The following LRRK2 variants were observed in gnomAD, a reference collection of about 807,000 sequenced individuals.
LRRK2 encodes leucine rich repeat kinase 2.
Under a neutral mutation model 302.6 loss-of-function variants are expected in LRRK2, and 203 were observed. The ratio of observed to expected loss-of-function variants is 0.67; its 90% CI spans 0.60 to 0.75. LRRK2 has a LOEUF of 0.75. Ranked by LOEUF, LRRK2 falls within the 30% of genes least tolerant of loss-of-function variation. LRRK2 has a pLI of 0.00. For missense variants in LRRK2, 2,830 were observed against 2,951.0 expected, an observed-to-expected ratio of 0.96 and a Z score of 0.95; for synonymous variants, 1,066 against 1,031.9, an observed-to-expected ratio of 1.03 and a Z score of -0.63.
chr12:40,274,788 G>T (rs1000431836), intron 15 of LRRK2, 61 bp downstream of exon 15: 153 of 1,609,416 alleles, frequency 9.5e-5, no homozygotes, highest in Non-Finnish European at 1.2e-4. Flanking sequence ...GCTGGTGACT[G>T]GATGTCTTTA....
At chr12:40,343,034 A>G (rs947592955) in intron 41 of LRRK2, among the ~76,000 whole-genome samples, 1 of 152,190 alleles carries the variant, frequency 6.6e-6, no homozygotes, top group Non-Finnish European at 1.5e-5. Flanking sequence ...GAATATAAAA[A>G]AACATTTACA....
chr12:40,356,220 A>G lies in LRRK2; in HGVS notation c.6843+33A>G, dbSNP rs765238196. On this transcript the variant is annotated intron_variant, in intron 46 of 50. Transcript: ENST00000298910. ...TTGAATGCATTCTACATCTAAATTT[A>G]TTTTAAGTCTTTTGTTTTATATATA... The G allele has an allele frequency of 1.7e-5, 26 of 1,486,294 alleles. 1 individual carries two copies. The South Asian group carries it at 2.7e-4, about 16-fold the overall frequency. 92.1% of individuals were successfully genotyped at this position (1,486,294 alleles called of 1,614,324 possible).
chr12:40,361,487 A>G (rs1365769), intron 47 of LRRK2, among the ~76,000 whole-genome samples: 4,896 of 152,166 alleles, frequency 0.032, 227 homozygotes, highest in Admixed American at 0.12. Context: ...GTAGTTTTTC[A>G]TCTTTGCTCC....
intron 14 of LRRK2, among the ~76,000 whole-genome samples, chr12:40,271,718 A>T (rs1400649088): frequency 6.6e-6 from 1 of 152,178 alleles, no homozygotes; most frequent in Non-Finnish European, 1.5e-5. Flanking sequence ...ATAAATATTA[A>T]TTTTTAAACA....
In LRRK2 at chr12:40,291,742, T is replaced by C. The variant is rs112349311; in HGVS notation, c.2690-1803T>C. On this transcript the variant is annotated intron_variant, in intron 20 of 50. Transcript: ENST00000298910. ...AGGCCAAATTGTTTGGTAGGATTTC[T>C]CAAGTTTTCTGTGACTTCACTGACT... Among the ~76,000 whole-genome samples, 481 of 152,152 alleles carry C rather than the reference T, an allele frequency of 3.2e-3. 5 individuals are homozygous for C. The highest frequency in any genetic ancestry group is 0.01 in the African/African-American group (425 of 41,540).
chr12:40,301,680 C>A (rs1169842870), intron 25 of LRRK2, among the ~76,000 whole-genome samples: 1 of 152,138 alleles, frequency 6.6e-6, no homozygotes, highest in African/African-American at 2.4e-5. Context: ...TATTTTTAAC[C>A]TTGAAAATGC....
chr12:40,363,437 T>A lies in LRRK2; in HGVS notation c.7064T>A (p.Ile2355Lys). ...SYAAFSDSNI[I>K]TVVVDTALYI... is the part of the protein sequence containing the mutation. ...GCAGCTTTCAGTGATTCCAACATCATAACAGTGGTGGTAGACACTGCTCTC... is the reference window on the plus strand; with the variant it reads ...GCAGCTTTCAGTGATTCCAACATCAAAACAGTGGTGGTAGACACTGCTCTC... Residue 2355 changes from isoleucine to lysine, a missense_variant, in exon 48 of 51, where the codon ATA (isoleucine) becomes AAA (lysine). Coordinates refer to ENST00000298910, the MANE Select transcript of LRRK2 (RefSeq NM_198578.4). 3.1e-6 allele frequency: 5 copies of A among 1,611,992 alleles called. No homozygotes were observed. The highest frequency in any genetic ancestry group is 4.2e-6 in the Non-Finnish European group (5 of 1,178,654).
intron 27 of LRRK2, 113 bp from the exon 28 acceptor site, chr12:40,305,672 T>C: frequency 1.1e-6 from 1 of 903,056 alleles, no homozygotes; most frequent in Non-Finnish European, 1.8e-6. Context: ...GTTGAAAGGT[T>C]GTGCAAGCTG....
chr12:40,339,410 C>T (rs937964108), intron 40 of LRRK2, among the ~76,000 whole-genome samples: 5 of 152,136 alleles, frequency 3.3e-5, no homozygotes, highest in African/African-American at 7.2e-5. Flanking sequence ...AGCTGAGATG[C>T]GGTAAGCTCT....
Position 40,322,433 on chromosome 12 carries a change from G to A in LRRK2, c.5432G>A (p.Trp1811Ter), listed in dbSNP as rs1022605394. The change falls in exon 37 of 51, where the codon TGG becomes TAG. Residue 1811 changes from tryptophan to a stop codon, truncating the protein, a stop_gained. Transcript: ENST00000298910. LOFTEE classifies it high-confidence loss of function. Reference protein sequence around the residue: ...CGEGETLLKKWALYSFNDGEE... With the variant: ...CGEGETLLKK ...GAAGGAGAAACTCTGTTGAAGAAAT[G>A]GGCATTATATAGTTTTAATGATGGT... 1.9e-6 allele frequency: 3 copies of A among 1,613,216 alleles called. No homozygotes were observed. Among genetic ancestry groups the A allele is most frequent in the South Asian group, 2.2e-5 (2 of 91,060 alleles).
intron 14 of LRRK2, among the ~76,000 whole-genome samples, chr12:40,269,898 T>A (rs1387684132): frequency 1.3e-5 from 2 of 152,194 alleles, no homozygotes; most frequent in African/African-American, 4.8e-5. Context: ...AGTATATGTT[T>A]GCTTTTATAG....
At chr12:40,293,692 G>A in intron 21 of LRRK2, 29 bp downstream of exon 21, 8 of 1,445,686 alleles carry the variant, frequency 5.5e-6, no homozygotes, top group Non-Finnish European at 6.8e-6. Flanking sequence ...TTGTGATTAT[G>A]TTGTGTTTTG....
At chr12:40,236,857 A>AT (rs969462158) in intron 4 of LRRK2, among the ~76,000 whole-genome samples, 46 of 149,202 alleles carry the variant, frequency 3.1e-4, no homozygotes, top group African/African-American at 6.6e-4. Flanking sequence ...CTTGGGAGGT[A>AT]TTTTTTTTTT....
rs1946834281 is a variant in LRRK2 at position 40,364,998 on chromosome 12, T to G, written c.7338T>G (p.Arg2446=). The G allele has an allele frequency of 6.2e-7, 1 of 1,612,536 alleles. No individual in the cohort carries two copies. The highest frequency in any genetic ancestry group is 1.7e-5 in the Admixed American group (1 of 59,842). The change falls in exon 49 of 51, where the codon CGT becomes CGG. Residue 2446 remains arginine (R), a synonymous_variant. Transcript: ENST00000298910. ...ATCTTTCAACTCGTCGACTTATACG[T>G]GTAATTTACAACTTTTGTAATTCGG... is the stretch of plus-strand genomic sequence containing the variant. ...LLDLSTRRLI[R]VIYNFCNSVR...
intron 7 of LRRK2, among the ~76,000 whole-genome samples, chr12:40,245,287 C>T (rs542204662): frequency 8.2e-4 from 124 of 152,024 alleles, no homozygotes; most frequent in Non-Finnish European, 1.7e-3. Flanking sequence ...GTTACCATCA[C>T]AGCACAATTT....
At chr12:40,230,959 C>T (rs561717637) in intron 2 of LRRK2, among the ~76,000 whole-genome samples, 1 of 152,144 alleles carries the variant, frequency 6.6e-6, no homozygotes, top group East Asian at 1.9e-4. Flanking sequence ...GATCTCTAGA[C>T]CTTATCAATT....
At chr12:40,261,943 G>C (rs910810333) in intron 13 of LRRK2, among the ~76,000 whole-genome samples, 1 of 151,994 alleles carries the variant, frequency 6.6e-6, no homozygotes, top group African/African-American at 2.4e-5. Flanking sequence ...TAGACATTGA[G>C]CTGGTTGCTT....
At chr12:40,238,980 T>G (rs1042342474) in intron 5 of LRRK2, among the ~76,000 whole-genome samples, 1 of 152,188 alleles carries the variant, frequency 6.6e-6, no homozygotes, top group Non-Finnish European at 1.5e-5. Context: ...TTACTGTGTT[T>G]CTAAGGTCCT....
intron 39 of LRRK2, among the ~76,000 whole-genome samples, chr12:40,333,121 T>C (rs1479321247): frequency 6.6e-6 from 1 of 152,168 alleles, no homozygotes; most frequent in Admixed American, 6.5e-5. Flanking sequence ...AAATTTGGAT[T>C]AGACCTCTGT....
Sources: gnomAD v4.1 joint callset for allele counts (sites outside exome capture counted in the v4.1 genomes callset) on GRCh38, gnomAD v4.1.1 for gene constraint, MANE v1.5 for transcripts, NCBI Gene and HGNC (gene_info 2026-07-23, HGNC 2026-07-21) for gene names.